Variants in RFXAP observed in about 807,000 individuals in gnomAD.
RFXAP encodes regulatory factor X-associated protein.
Under a neutral mutation model 25.7 loss-of-function variants are expected in RFXAP, and 21 were observed. That is an observed-to-expected ratio of 0.82 (90% CI 0.58 to 1.18). The LOEUF (loss-of-function observed/expected upper bound fraction) is 1.18. Among genes scored for constraint, RFXAP ranks in the 50% most tolerant of loss-of-function variants. RFXAP has a pLI of 0.00. For synonymous variants in RFXAP, 161 were observed against 152.2 expected, an observed-to-expected ratio of 1.06 and a Z score of -0.43; for missense variants, 333 against 363.0, an observed-to-expected ratio of 0.92 and a Z score of 0.67.
rs924309120 is a variant in RFXAP at position 36,828,734 on chromosome 13, A to G, written c.*981A>G. 2.0e-5 allele frequency: 3 copies of G among 152,182 alleles called. No individual in the cohort carries two copies. The highest frequency in any genetic ancestry group is 4.4e-5 in the Non-Finnish European group (3 of 68,024). The allele number at this position is 152,182 out of a possible 1,614,324, so 9.4% of individuals were successfully genotyped here. A position where few individuals can be genotyped will look rare whatever the true frequency, so the allele number is the denominator to read the frequency against. ...TTTTTCGCAATTGAGCTATCTGAAA[A>G]CTGTTATTCCTAAGTAATGTTCAAA... On this transcript the variant is annotated 3_prime_UTR_variant, in exon 3 of 3. Coordinates refer to ENST00000255476, the MANE Select transcript of RFXAP (RefSeq NM_000538.4).
At chr13:36,820,045 C>T (rs569772421) in intron 1 of RFXAP, 88 bp downstream of exon 1, 2 of 1,553,360 alleles carry the variant, frequency 1.3e-6, no homozygotes, top group Admixed American at 1.9e-5. Context: ...CCTGCCTCCC[C>T]ACTTCCAAAT....
chr13:36,819,361 G>T lies in RFXAP; in HGVS notation c.4G>T (p.Glu2Ter). M[E>*]AQGVAEGAGP... The stretch of plus-strand genomic sequence containing the variant: ...ACCCCGGCCAGGTCTTAGCAGCATG[G>T]AGGCGCAGGGTGTAGCGGAGGGCGC... The change falls in exon 1 of 3, where the codon GAG becomes TAG. Residue 2 changes from glutamate (E) to a stop codon, truncating the protein, a stop_gained. Transcript: ENST00000255476. LOFTEE classifies it high-confidence loss of function. 1 of 1,268,058 alleles carries T rather than the reference G, an allele frequency of 7.9e-7. No homozygotes were observed. The highest frequency in any genetic ancestry group is 3.1e-5 in the East Asian group (1 of 31,880). The allele number at this position is 1,268,058 out of a possible 1,614,324, so 78.6% of individuals were successfully genotyped here.
intron 1 of RFXAP, 123 bp from the exon 2 acceptor site, chr13:36,825,305 C>A: frequency 1.4e-6 from 1 of 739,866 alleles, no homozygotes; most frequent in East Asian, 2.8e-5. Flanking sequence ...CCAGAGTTGC[C>A]CAGAGACTGG....
At chr13:36,823,401 G>A (rs1194736134) in intron 1 of RFXAP, among the ~76,000 whole-genome samples, 9 of 152,194 alleles carry the variant, frequency 5.9e-5, no homozygotes, top group Admixed American at 5.9e-4. Context: ...TGGAAAGATA[G>A]GTTGAAGCCA....
chr13:36,819,958 G>T lies in RFXAP; in HGVS notation c.600+1G>T, dbSNP rs2057956744. The T allele has an allele frequency of 5.6e-6, 9 of 1,613,674 alleles. No individual in the cohort carries two copies. The highest frequency in any genetic ancestry group is 7.6e-6 in the Non-Finnish European group (9 of 1,179,868). On this transcript the variant is annotated splice_donor_variant, in intron 1 of 2. Coordinates refer to ENST00000255476, the MANE Select transcript of RFXAP (RefSeq NM_000538.4). LOFTEE classifies it high-confidence loss of function. Reference sequence around the variant, plus strand: ...CAGCGCGGGAAACGTCAAACTCGAGGTATCAGACTTAGCTGAGGCCTGGGG... The same window carrying T: ...CAGCGCGGGAAACGTCAAACTCGAGTTATCAGACTTAGCTGAGGCCTGGGG...
At chr13:36,827,007 A>G (rs1431736824) in intron 2 of RFXAP, among the ~76,000 whole-genome samples, 1 of 152,154 alleles carries the variant, frequency 6.6e-6, no homozygotes, top group Non-Finnish European at 1.5e-5. Context: ...TAATATGTTA[A>G]TCATAGTCTG....
At chr13:36,822,812 A>T (rs1273492911) in intron 1 of RFXAP, among the ~76,000 whole-genome samples, 1 of 152,218 alleles carries the variant, frequency 6.6e-6, no homozygotes, top group Non-Finnish European at 1.5e-5. Flanking sequence ...ATCAGTTCTG[A>T]GGAGGTAACA....
At chr13:36,823,264 T>G (rs1329210080) in intron 1 of RFXAP, among the ~76,000 whole-genome samples, 1 of 152,164 alleles carries the variant, frequency 6.6e-6, no homozygotes, top group African/African-American at 2.4e-5. Flanking sequence ...TTCTGGTAGA[T>G]AAAAGGAAAG....
In RFXAP at chr13:36,827,780, G is replaced by A; in HGVS notation, c.*27G>A. ...GGAACTTACCAAGAACATCTACATGGTTTTTTATCTTATTGTAATAGATGA... is the reference window on the plus strand; with the variant it reads ...GGAACTTACCAAGAACATCTACATGATTTTTTATCTTATTGTAATAGATGA... On this transcript the variant is annotated 3_prime_UTR_variant, in exon 3 of 3. Coordinates refer to ENST00000255476, the MANE Select transcript of RFXAP (RefSeq NM_000538.4). 6.6e-7 allele frequency: 1 copy of A among 1,522,342 alleles called. No homozygotes were observed. The highest frequency in any genetic ancestry group is 1.4e-5 in the African/African-American group (1 of 73,032). The allele number at this position is 1,522,342 out of a possible 1,614,324, so 94.3% of individuals were successfully genotyped here. A position where few individuals can be genotyped will look rare whatever the true frequency, so the allele number is the denominator to read the frequency against.
chr13:36,821,357 T>G (rs1311322489), intron 1 of RFXAP, among the ~76,000 whole-genome samples: 1 of 152,060 alleles, frequency 6.6e-6, no homozygotes, highest in African/African-American at 2.4e-5. Flanking sequence ...ACCTTGTAAT[T>G]GTTTACAAAT....
At position 36,819,822 on chromosome 13, in the gene RFXAP, G is replaced by A; in HGVS notation, c.465G>A (p.Lys155=). ...GCSETTSQVA[K]QRKPWMCKKH... ...GCGAGACCACGAGCCAGGTGGCCAA[G>A]CAGCGCAAACCGTGGATGTGCAAGA... Residue 155 remains lysine (K), a synonymous_variant, in exon 1 of 3, where the codon AAG becomes AAA. Coordinates refer to ENST00000255476, the MANE Select transcript of RFXAP (RefSeq NM_000538.4). 1.2e-6 allele frequency: 2 copies of A among 1,601,320 alleles called. No individual in the cohort carries two copies. The highest frequency in any genetic ancestry group is 1.7e-6 in the Non-Finnish European group (2 of 1,173,352).
At chr13:36,827,066 A>G (rs995499363) in intron 2 of RFXAP, among the ~76,000 whole-genome samples, 2 of 152,164 alleles carry the variant, frequency 1.3e-5, no homozygotes, top group Non-Finnish European at 2.9e-5. Flanking sequence ...ATGAGTGTAC[A>G]AAAAGGTATT....
chr13:36,825,447 T>C lies in RFXAP; in HGVS notation c.620T>C (p.Leu207Pro), dbSNP rs754973799. The C allele has an allele frequency of 5.6e-6, 9 of 1,612,296 alleles. No individual in the cohort carries two copies. The highest frequency in any genetic ancestry group is 1.1e-5 in the South Asian group (1 of 91,058). The stretch of plus-strand genomic sequence containing the variant: ...TCCCAGGAAAGTGCAGATAACATAC[T>C]CTCCATTGTTAAACAAAGAACAGGA... ...VKLEESADNI[L>P]SIVKQRTGSF... Residue 207 changes from leucine to proline, a missense_variant, in exon 2 of 3, where the codon CTC (leucine) becomes CCC (proline). Coordinates refer to ENST00000255476, the MANE Select transcript of RFXAP (RefSeq NM_000538.4).
intron 1 of RFXAP, 56 bp downstream of exon 1, chr13:36,820,013 A>G: frequency 6.3e-7 from 1 of 1,593,116 alleles, no homozygotes; most frequent in South Asian, 1.1e-5. Context: ...ACCCGATCTT[A>G]ACGCAAACCG....
In RFXAP at chr13:36,827,645, G is replaced by T. The variant is rs760354012; in HGVS notation, c.711G>T (p.Ser237=). The change falls in exon 3 of 3, where the codon TCG becomes TCT. Residue 237 remains serine (S), a splice_region_variant and synonymous_variant. Transcript: ENST00000255476. ...LEQVLNQKRL[S]LLRSPEVVQF... ...AATTTTTTTCTTTTCTTTCTAAGTC[G>T]TTACTAAGAAGTCCAGAAGTAGTGC... 1 of 1,609,566 alleles carries T rather than the reference G, an allele frequency of 6.2e-7. No homozygotes were observed. Among genetic ancestry groups the T allele is most frequent in the Non-Finnish European group, 8.5e-7 (1 of 1,176,380 alleles).
chr13:36,823,042 T>C (rs2057967974), intron 1 of RFXAP, among the ~76,000 whole-genome samples: 1 of 152,160 alleles, frequency 6.6e-6, no homozygotes, highest in Non-Finnish European at 1.5e-5. Flanking sequence ...CTGAGTTTCT[T>C]ATGTGTCAAG....
rs2057952155 is a variant in RFXAP, at chr13:36,819,228, A to C, written c.-130A>C. ...GCGCAGGCTGCGGTCGCGCAGGCGC[A>C]GTCGGGGCGCCTTCCCGGTATAGGC... On this transcript the variant is annotated 5_prime_UTR_variant, in exon 1 of 3. Coordinates refer to ENST00000255476, the MANE Select transcript of RFXAP (RefSeq NM_000538.4). The C allele has an allele frequency of 1.0e-6, 1 of 953,792 alleles. No individual in the cohort carries two copies. The highest frequency in any genetic ancestry group is 5.4e-5 in the South Asian group (1 of 18,448). The allele number at this position is 953,792 out of a possible 1,614,324, so 59.1% of individuals were successfully genotyped here.
At chr13:36,827,401 CAA>C (rs1435766435) in intron 2 of RFXAP, among the ~76,000 whole-genome samples, 5 of 152,084 alleles carry the variant, frequency 3.3e-5, no homozygotes, top group African/African-American at 1.2e-4. Context: ...CCTTTTTACA[CAA>C]AGTCACCAAT....
At chr13:36,824,569 T>A (rs1218149396) in intron 1 of RFXAP, among the ~76,000 whole-genome samples, 1 of 152,204 alleles carries the variant, frequency 6.6e-6, no homozygotes, top group African/African-American at 2.4e-5. Flanking sequence ...ACATTTATAA[T>A]TTTATATTTG....
Sources: allele counts gnomAD v4.1 joint callset (sites outside exome capture counted in the v4.1 genomes callset), GRCh38; gene constraint gnomAD v4.1.1; transcripts MANE v1.5; gene names NCBI Gene and HGNC (gene_info 2026-07-23, HGNC 2026-07-21).